CSMD1: variants seen among roughly 807,000 people sequenced by gnomAD.
CSMD1 encodes the protein CUB and sushi domain-containing protein 1.
A neutral mutation model predicts 417.5 loss-of-function variants in CSMD1; 213 were observed. That is an observed-to-expected ratio of 0.51 (90% confidence interval 0.46 to 0.57). The LOEUF is 0.57. Among genes scored for constraint, CSMD1 ranks in the 20% least tolerant of loss-of-function variants. The pLI is 0.00. For missense variants in CSMD1, 6,923 were observed against 4,529.7 expected (o/e 1.53, Z -15.17); for synonymous variants, 2,862 against 1,736.8 (o/e 1.65, Z -16.11).
chr8:4,086,929 C>T (rs994170652), intron 3 of CSMD1, among the ~76,000 whole-genome samples: 1 of 152,200 alleles, frequency 6.6e-6, no homozygotes, highest in East Asian at 1.9e-4. Flanking sequence ...TTGTTAAACT[C>T]ACTAACCAGC....
intron 26 of CSMD1, among the ~76,000 whole-genome samples, chr8:3,267,040 A>G (rs1037914797): frequency 1.3e-5 from 2 of 152,212 alleles, no homozygotes; most frequent in Admixed American, 6.5e-5. Context: ...TTTAAATGTC[A>G]GAGACTTGAG....
chr8:3,950,918 T>C (rs542077360), intron 5 of CSMD1, among the ~76,000 whole-genome samples: 15 of 152,282 alleles, frequency 9.9e-5, no homozygotes, highest in South Asian at 2.1e-4. Flanking sequence ...GGAAAACCAA[T>C]ATTCATAATA....
intron 11 of CSMD1, among the ~76,000 whole-genome samples, chr8:3,476,389 C>G (rs914529902): frequency 1.3e-5 from 2 of 152,002 alleles, no homozygotes; most frequent in Non-Finnish European, 2.9e-5. Context: ...TCTATTTTGG[C>G]AATTATGAAT....
chr8:4,387,365 T>A (rs1413002678), intron 3 of CSMD1, among the ~76,000 whole-genome samples: 1 of 152,024 alleles, frequency 6.6e-6, no homozygotes, highest in African/African-American at 2.4e-5. Flanking sequence ...AAGTGCAAAT[T>A]TCTTCTTATG....
chr8:3,988,817 G>A (rs1194918476), intron 5 of CSMD1, among the ~76,000 whole-genome samples: 1 of 152,064 alleles, frequency 6.6e-6, no homozygotes, highest in South Asian at 2.1e-4. Flanking sequence ...AACAAGGAAG[G>A]GTCATCATTT....
Position 3,788,099 on chromosome 8 carries a change from C to T in CSMD1, c.819-34057G>A, listed in dbSNP as rs536072360. ...GAGTGTTCTTTGGGAAGACTTGCAA[C>T]GCTTAGTTCTAAAATTTTCTTTAAA... On this transcript the variant is annotated intron_variant, in intron 5 of 69. Transcript: ENST00000635120. 2.5e-4 allele frequency among the ~76,000 whole-genome samples: 38 copies of T among 152,226 alleles called. No individual in the cohort carries two copies. The South Asian group carries it at 6.0e-3, about 24-fold the overall frequency.
At chr8:3,187,121 A>G (rs900035310) in intron 36 of CSMD1, among the ~76,000 whole-genome samples, 1 of 152,232 alleles carries the variant, frequency 6.6e-6, no homozygotes, top group African/African-American at 2.4e-5. Flanking sequence ...AAATGTGGGC[A>G]ACTGTGAGGA....
chr8:4,390,907 G>C (rs1008474921), intron 3 of CSMD1, among the ~76,000 whole-genome samples: 1 of 152,144 alleles, frequency 6.6e-6, no homozygotes. Context: ...CCAAAATGTA[G>C]AAAGGTAGTT....
chr8:3,753,957 G>A lies in CSMD1; in HGVS notation c.904C>T (p.Arg302Cys), dbSNP rs1038449254. ...TGGAACTGAGCGTTAAATCCTTTGC[G>A]TCGGTGGTTGCTGTCAGAGGTGAAA... ...LHFTSDSNHR[R>C]KGFNAQFQVK... The change falls in exon 6 of 70, where the codon CGC becomes TGC. Residue 302 changes from arginine (R) to cysteine (C), a missense_variant. By Grantham distance (180) the Arg-to-Cys change is radical (BLOSUM62 -3). Transcript: ENST00000635120. 5.6e-6 allele frequency: 9 copies of A among 1,612,034 alleles called. No homozygotes were observed. Among genetic ancestry groups the A allele is most frequent in the South Asian group, 1.1e-5 (1 of 91,014 alleles).
At chr8:4,884,275 G>A (rs867960337) in intron 1 of CSMD1, among the ~76,000 whole-genome samples, 2 of 151,884 alleles carry the variant, frequency 1.3e-5, no homozygotes, top group South Asian at 2.1e-4. Flanking sequence ...CTAGTTACAA[G>A]TATCTTACCA....
intron 2 of CSMD1, among the ~76,000 whole-genome samples, chr8:4,544,269 G>C (rs1797539611): frequency 6.6e-6 from 1 of 151,982 alleles, no homozygotes; most frequent in Non-Finnish European, 1.5e-5. Context: ...AGGTCTATGA[G>C]CCATTTTTAG....
chr8:3,193,073 T>A (rs377254157), intron 33 of CSMD1, among the ~76,000 whole-genome samples: 2 of 152,180 alleles, frequency 1.3e-5, no homozygotes, highest in African/African-American at 4.8e-5. Flanking sequence ...AGGTTGCACT[T>A]ATCTAAGAGG....
At chr8:4,422,057 A>C (rs890989802) in intron 2 of CSMD1, among the ~76,000 whole-genome samples, 1 of 152,242 alleles carries the variant, frequency 6.6e-6, no homozygotes, top group African/African-American at 2.4e-5. Flanking sequence ...AATATGGGTC[A>C]CTAACTCAAA....
rs529250228 is a variant in CSMD1, at chr8:4,299,788, G to A, written c.415+120165C>T. On this transcript the variant is annotated intron_variant, in intron 3 of 69. Transcript: ENST00000635120. ...TGAGATTACAGGTACGTGCCACCAC[G>A]CCCGCCTAATTTTTGTATTTTTAGT... Among the ~76,000 whole-genome samples, 87 of 151,922 alleles carry A rather than the reference G, an allele frequency of 5.7e-4. No individual in the cohort carries two copies. The South Asian group carries it at 7.7e-3, about 13-fold the overall frequency.
chr8:4,845,070 C>CTATT (rs145051697), intron 1 of CSMD1, among the ~76,000 whole-genome samples: 97,621 of 151,478 alleles, frequency 0.64, 31,900 homozygotes, highest in East Asian at 0.96. Context: ...TAAAAACTAT[C>CTATT]TATCTAATTT....
At position 4,423,127 on chromosome 8, in the gene CSMD1, G is replaced by C. The variant is rs75590244; in HGVS notation, c.303-3062C>G. Among the ~76,000 whole-genome samples, 5,581 of 152,116 alleles carry C rather than the reference G, an allele frequency of 0.037. 572 individuals carry two copies. The East Asian group carries it at 0.38, about 10-fold the overall frequency. On this transcript the variant is annotated intron_variant, in intron 2 of 69. Transcript: ENST00000635120. ...TTGAAGACTGAATGCTTCTGCCTAA[G>C]ACTGGAAACAAGTCAAGAAATTTGA...
At chr8:4,731,255 A>G (rs1809846262) in intron 1 of CSMD1, among the ~76,000 whole-genome samples, 1 of 152,124 alleles carries the variant, frequency 6.6e-6, no homozygotes, top group African/African-American at 2.4e-5. Flanking sequence ...GCCCACCTCA[A>G]CCTGCTTTTG....
intron 3 of CSMD1, among the ~76,000 whole-genome samples, chr8:4,319,493 C>T (rs1241695708): frequency 6.6e-6 from 1 of 151,980 alleles, no homozygotes; most frequent in Non-Finnish European, 1.5e-5. Flanking sequence ...ATAGCAGGGA[C>T]CAGATTTACT....
At chr8:4,323,218 T>C (rs1317800158) in intron 3 of CSMD1, among the ~76,000 whole-genome samples, 1 of 152,298 alleles carries the variant, frequency 6.6e-6, no homozygotes, top group South Asian at 2.1e-4. Context: ...CCCATGTGAT[T>C]GTAAGAGAAG....
Sources: allele counts gnomAD v4.1 joint callset (sites outside exome capture counted in the v4.1 genomes callset), GRCh38; gene constraint gnomAD v4.1.1; transcripts MANE v1.5; gene names NCBI Gene and HGNC (gene_info 2026-07-23, HGNC 2026-07-21).